Variants in CD276 observed in about 807,000 individuals in gnomAD.
The protein encoded by CD276 is CD276 molecule, also known as CD276 antigen.
In CD276, 34 loss-of-function variants were observed where a neutral mutation model predicts 50.0. The ratio of observed to expected loss-of-function variants is 0.68; its 90% CI spans 0.52 to 0.91. The LOEUF (loss-of-function observed/expected upper bound fraction) is 0.91, where lower values mean the gene tolerates loss of function less well. Among genes scored for constraint, CD276 ranks in the 40% least tolerant of loss-of-function variants. CD276 has a pLI of 0.00. For missense variants in CD276, 634 were observed against 717.5 expected (o/e 0.88, Z 1.33); for synonymous variants, 275 against 313.0 (o/e 0.88, Z 1.28).
intron 8 of CD276, among the ~76,000 whole-genome samples, chr15:73,710,625 T>A (rs531527984): frequency 5.3e-5 from 8 of 152,366 alleles, no homozygotes; most frequent in South Asian, 2.1e-4. Context: ...AATTAATTCT[T>A]TGCCTGTTGG....
intron 1 of CD276, among the ~76,000 whole-genome samples, chr15:73,694,572 C>A (rs970435870): frequency 6.6e-6 from 1 of 152,190 alleles, no homozygotes; most frequent in Non-Finnish European, 1.5e-5. Context: ...AGGGCTGATA[C>A]TACAGTCCCT....
chr15:73,685,108 G>C (rs1195174391), intron 1 of CD276: 1 of 152,236 alleles, frequency 6.6e-6, no homozygotes, highest in Non-Finnish European at 1.5e-5. Context: ...CAGGGGCCAC[G>C]GGGTGAATAG....
At chr15:73,698,825 G>C (rs1381423118) in intron 1 of CD276, among the ~76,000 whole-genome samples, 1 of 152,294 alleles carries the variant, frequency 6.6e-6, no homozygotes, top group Admixed American at 6.5e-5. Flanking sequence ...GCCTCCCAAA[G>C]TGCTGGGATT....
chr15:73,708,844 A>G (rs538750851), intron 7 of CD276, among the ~76,000 whole-genome samples: 1 of 152,340 alleles, frequency 6.6e-6, no homozygotes, highest in Non-Finnish European at 1.5e-5. Context: ...GCACAAATGT[A>G]GGCATGCCAG....
intron 1 of CD276, among the ~76,000 whole-genome samples, chr15:73,689,426 G>A (rs1189701385): frequency 6.6e-6 from 1 of 152,004 alleles, no homozygotes; most frequent in Non-Finnish European, 1.5e-5. Context: ...GGTGCCCAGT[G>A]GACAGCCTTG....
intron 1 of CD276, chr15:73,690,652 A>G: frequency 2.2e-6 from 1 of 455,658 alleles, no homozygotes; most frequent in Non-Finnish European, 4.4e-6. Context: ...AACAGCATTA[A>G]TCTCTTCACT....
intron 2 of CD276, among the ~76,000 whole-genome samples, chr15:73,701,750 A>G (rs1366206338): frequency 6.6e-6 from 1 of 150,866 alleles, no homozygotes; most frequent in Non-Finnish European, 1.5e-5. Flanking sequence ...AGAAAAAAAG[A>G]AAAAGCACTT....
rs1363489468 is a variant in CD276 at position 73,699,649 on chromosome 15, C to T, written c.10C>T (p.Arg4Trp). MLR[R>W]RGSPGMGVHV... The stretch of plus-strand genomic sequence containing the variant: ...GCCGCCTCACAGGAAGATGCTGCGT[C>T]GGCGGGGCAGCCCTGGCATGGGTGT... Residue 4 changes from arginine (R) to tryptophan (W), a missense_variant, in exon 2 of 10, where the codon CGG becomes TGG. By Grantham distance (101) the Arg-to-Trp change is moderately radical. Coordinates refer to ENST00000318443, the MANE Select transcript of CD276 (RefSeq NM_001024736.2). 8.7e-6 allele frequency: 14 copies of T among 1,613,656 alleles called. No homozygotes were observed. Among genetic ancestry groups the T allele is most frequent in the South Asian group, 3.3e-5 (3 of 91,032 alleles).
chr15:73,711,503 A>C, intron 9 of CD276: 1 of 285,266 alleles, frequency 3.5e-6, no homozygotes, highest in Non-Finnish European at 6.7e-6. Context: ...TCAAGCTTTC[A>C]CTCCTAGGTC....
In CD276 at chr15:73,699,650, G is replaced by A. The variant is rs1232227175; in HGVS notation, c.11G>A (p.Arg4Gln). The A allele has an allele frequency of 3.7e-6, 6 of 1,613,684 alleles. No homozygotes were observed. The highest frequency in any genetic ancestry group is 1.3e-5 in the African/African-American group (1 of 75,052). Reference sequence around the variant, plus strand: ...CCGCCTCACAGGAAGATGCTGCGTCGGCGGGGCAGCCCTGGCATGGGTGTG... The same window carrying A: ...CCGCCTCACAGGAAGATGCTGCGTCAGCGGGGCAGCCCTGGCATGGGTGTG... MLR[R>Q]RGSPGMGVHV... The change falls in exon 2 of 10, where the codon CGG becomes CAG. Residue 4 changes from arginine (R) to glutamine (Q), a missense_variant. Coordinates refer to ENST00000318443, the MANE Select transcript of CD276 (RefSeq NM_001024736.2).
chr15:73,690,061 C>T (rs763706991), intron 1 of CD276, among the ~76,000 whole-genome samples: 1 of 152,220 alleles, frequency 6.6e-6, no homozygotes, highest in Non-Finnish European at 1.5e-5. Context: ...CACCCTTATT[C>T]TGACACTCCA....
chr15:73,709,040 G>A (rs539198695), intron 7 of CD276, among the ~76,000 whole-genome samples: 1 of 152,316 alleles, frequency 6.6e-6, no homozygotes, highest in African/African-American at 2.4e-5. Flanking sequence ...GGTAGTCAGA[G>A]GCTGGGGATG....
intron 2 of CD276, among the ~76,000 whole-genome samples, chr15:73,700,001 T>C (rs1195805079): frequency 6.6e-6 from 1 of 152,186 alleles, no homozygotes; most frequent in East Asian, 1.9e-4. Context: ...TTCCTCTGCC[T>C]GGAACTTTCT....
intron 6 of CD276, among the ~76,000 whole-genome samples, chr15:73,706,129 G>A (rs1294320473): frequency 6.6e-6 from 1 of 152,052 alleles, no homozygotes; most frequent in African/African-American, 2.4e-5. Context: ...ATGCACCTGT[G>A]GTCCCAGCTA....
intron 1 of CD276, chr15:73,686,272 C>A (rs1899755774): frequency 1.0e-6 from 1 of 984,734 alleles, no homozygotes; most frequent in African/African-American, 1.7e-5. Context: ...TTACTCTAGA[C>A]TCCTGTGCTG....
rs1465431032 is a variant in CD276, at chr15:73,709,615, ATTT to A, written c.1505-30_1505-28del. ...TGGCATGAAAATGGGCTTGCAAAAG[ATTT>A]TTGTTTATTCTGAGTTCTTGCCTTT... On this transcript the variant is annotated intron_variant, in intron 7 of 9. Coordinates refer to ENST00000318443, the MANE Select transcript of CD276 (RefSeq NM_001024736.2). The A allele has an allele frequency of 1.9e-6, 3 of 1,611,174 alleles. No individual in the cohort carries two copies. In the African/African-American group the frequency reaches 4.0e-5, roughly 22 times the overall value.
At chr15:73,684,730 C>G (rs1442375265) in intron 1 of CD276, 1 of 152,364 alleles carries the variant, frequency 6.6e-6, no homozygotes, top group African/African-American at 2.4e-5. Context: ...CCCCGCCCCC[C>G]TTTCCTCGGG....
chr15:73,691,075 G>T (rs1899970979), intron 1 of CD276, among the ~76,000 whole-genome samples: 1 of 151,440 alleles, frequency 6.6e-6, no homozygotes, highest in Non-Finnish European at 1.5e-5. Flanking sequence ...TGGTGAAGAG[G>T]CTTTTATAGT....
chr15:73,696,613 A>G (rs1215897458), intron 1 of CD276, among the ~76,000 whole-genome samples: 1 of 152,180 alleles, frequency 6.6e-6, no homozygotes, highest in Non-Finnish European at 1.5e-5. Context: ...TCTGGAGGGA[A>G]GCGCAGCTCG....
Sources: allele counts gnomAD v4.1 joint callset (sites outside exome capture counted in the v4.1 genomes callset), GRCh38; gene constraint gnomAD v4.1.1; transcripts MANE v1.5; gene names NCBI Gene and HGNC (gene_info 2026-07-23, HGNC 2026-07-21).